CELF5: variants seen among roughly 807,000 people sequenced by gnomAD.
The protein encoded by CELF5 is CUGBP Elav-like family member 5, also known as CUG-BP and ETR-3 like factor 5.
Under a neutral mutation model 54.9 loss-of-function variants are expected in CELF5, and 6 were observed. The observed-to-expected ratio is 0.11, with a 90% confidence interval of 0.06 to 0.22. CELF5 has a LOEUF of 0.22. Ranked by LOEUF, CELF5 falls within the 10% of genes least tolerant of loss-of-function variation. The pLI is 1.00. For missense variants in CELF5, 401 were observed against 678.6 expected (o/e 0.59, Z 4.54); for synonymous variants, 271 against 290.9 (o/e 0.93, Z 0.70).
chr19:3,284,643 G>A lies in CELF5; in HGVS notation c.1040-259G>A. ...GCAACCGGGTCGGGATAGGGAGAGGGAGATGGGGACGATGGTGATCTCTCT... is the reference window on the plus strand; with the variant it reads ...GCAACCGGGTCGGGATAGGGAGAGGAAGATGGGGACGATGGTGATCTCTCT... On this transcript the variant is annotated intron_variant, in intron 8 of 12. Coordinates refer to ENST00000292672, the MANE Select transcript of CELF5 (RefSeq NM_021938.4). 7 of 533,108 alleles carry A rather than the reference G, an allele frequency of 1.3e-5. No individual in the cohort carries two copies. The East Asian group carries it at 1.8e-4, about 14-fold the overall frequency. The allele number at this position is 533,108 out of a possible 1,614,324, so 33.0% of individuals were successfully genotyped here. A position where few individuals can be genotyped will look rare whatever the true frequency, so the allele number is the denominator to read the frequency against.
intron 1 of CELF5, among the ~76,000 whole-genome samples, chr19:3,231,968 A>G (rs2144981263): frequency 6.7e-6 from 1 of 150,010 alleles, no homozygotes; most frequent in South Asian, 2.1e-4. Context: ...GGAATACTAG[A>G]TAGATGGGTG....
At chr19:3,234,875 C>T (rs760740849) in intron 1 of CELF5, among the ~76,000 whole-genome samples, 9 of 152,054 alleles carry the variant, frequency 5.9e-5, no homozygotes, top group African/African-American at 2.2e-4. Context: ...TGCCCTTGTC[C>T]CTGGCTCCCA....
At chr19:3,280,557 A>G (rs1328185842) in intron 5 of CELF5, among the ~76,000 whole-genome samples, 4 of 152,080 alleles carry the variant, frequency 2.6e-5, no homozygotes, top group Admixed American at 2.0e-4. Flanking sequence ...CCTGGGCAAC[A>G]AGAGCGAAAC....
intron 11 of CELF5, among the ~76,000 whole-genome samples, chr19:3,292,063 C>T (rs2080359497): frequency 6.6e-6 from 1 of 152,190 alleles, no homozygotes; most frequent in Non-Finnish European, 1.5e-5. Context: ...TCTCCTGACT[C>T]AGCATCCCGA....
rs1229805218 is a variant in CELF5 at position 3,275,998 on chromosome 19, G to T, written c.523+14G>T. Reference sequence around the variant, plus strand: ...GCAGCAGCAAAGGTGACTGGCGGGGGCCGGGGCGGGACTGCGAGAGGGGCC... The same window carrying T: ...GCAGCAGCAAAGGTGACTGGCGGGGTCCGGGGCGGGACTGCGAGAGGGGCC... On this transcript the variant is annotated intron_variant, in intron 4 of 12. Coordinates refer to ENST00000292672, the MANE Select transcript of CELF5 (RefSeq NM_021938.4). The surrounding 1 kb of genome is among the most constrained non-coding windows in gnomAD (Gnocchi z 6.7). 2 of 1,594,582 alleles carry T rather than the reference G, an allele frequency of 1.3e-6. No individual in the cohort carries two copies. The highest frequency in any genetic ancestry group is 1.7e-5 in the Admixed American group (1 of 58,748).
At chr19:3,251,426 C>G (rs57797571) in intron 2 of CELF5, among the ~76,000 whole-genome samples, 3,126 of 151,912 alleles carry the variant, frequency 0.021, 100 homozygotes, top group African/African-American at 0.072. Context: ...CCATGCCTGA[C>G]GTGTTGGAGG....
intron 2 of CELF5, among the ~76,000 whole-genome samples, chr19:3,254,377 TC>T (rs1316753654): frequency 3.3e-5 from 5 of 151,838 alleles, no homozygotes; most frequent in Non-Finnish European, 7.4e-5. Flanking sequence ...CATCTACTCA[TC>T]CACCTACCCA....
chr19:3,280,242 G>C lies in CELF5; in HGVS notation c.604-957G>C, dbSNP rs542092308. On this transcript the variant is annotated intron_variant, in intron 5 of 12. Transcript: ENST00000292672. Reference sequence around the variant, plus strand: ...GTGGCTACTGTCCGCTGTCCACTGGGTGGATGGGCCACAGGTTCATCTGCC... The same window carrying C: ...GTGGCTACTGTCCGCTGTCCACTGGCTGGATGGGCCACAGGTTCATCTGCC... Among the ~76,000 whole-genome samples, 127 of 152,236 alleles carry C rather than the reference G, an allele frequency of 8.3e-4. 2 individuals are homozygous for C. The highest frequency in any genetic ancestry group is 3.0e-3 in the African/African-American group (124 of 41,538).
chr19:3,290,092 C>G lies in CELF5; in HGVS notation c.1187-139C>G, dbSNP rs1346000879. The G allele has an allele frequency of 4.2e-5, 27 of 636,340 alleles. No individual in the cohort carries two copies. In the South Asian group the frequency reaches 5.2e-4, roughly 12 times the overall value. The allele number at this position is 636,340 out of a possible 1,614,324, so 39.4% of individuals were successfully genotyped here. On this transcript the variant is annotated intron_variant, in intron 10 of 12. Coordinates refer to ENST00000292672, the MANE Select transcript of CELF5 (RefSeq NM_021938.4). Reference sequence around the variant, plus strand: ...TCCCTCCCCAGCCCGTGGCCAGGCCCCTTCTTTCTGGGTGTCTGAGGCACC... The same window carrying G: ...TCCCTCCCCAGCCCGTGGCCAGGCCGCTTCTTTCTGGGTGTCTGAGGCACC...
At position 3,278,668 on chromosome 19, in the gene CELF5, T is replaced by G. The variant is rs1420649262; in HGVS notation, c.603+558T>G. Reference sequence around the variant, plus strand: ...ATGTGTGTGCATCTGCAGGTGCATTTGTGGGCAGGTTTGTGTGTGTGTGTG... The same window carrying G: ...ATGTGTGTGCATCTGCAGGTGCATTGGTGGGCAGGTTTGTGTGTGTGTGTG... On this transcript the variant is annotated intron_variant, in intron 5 of 12. Transcript: ENST00000292672. The surrounding 1 kb of genome is among the most constrained non-coding windows in gnomAD (Gnocchi z 4.5). Among the ~76,000 whole-genome samples the G allele has an allele frequency of 7.0e-6, 1 of 143,420 alleles. No homozygotes were observed. Among genetic ancestry groups the G allele is most frequent in the East Asian group, 2.0e-4 (1 of 5,028 alleles). The allele number at this position is 143,420 out of a possible 152,430, so 94.1% of individuals were successfully genotyped here.
At chr19:3,289,681 C>CAAAAAAAAAAAAAAAAAAAAA (rs35144942) in intron 10 of CELF5, among the ~76,000 whole-genome samples, 2 of 47,136 alleles carry the variant, frequency 4.2e-5, no homozygotes, top group African/African-American at 2.0e-4. Flanking sequence ...GACTCCATCT[C>CAAAAAAAAAAAAAAAAAAAAA]AAAAAAAAAA....
chr19:3,235,091 G>T (rs1917469032), intron 1 of CELF5, among the ~76,000 whole-genome samples: 1 of 152,004 alleles, frequency 6.6e-6, no homozygotes, highest in South Asian at 2.1e-4. Context: ...CTCTGTTCCA[G>T]CCACACTGGC....
At chr19:3,262,789 A>G (rs1021625969) in intron 2 of CELF5, among the ~76,000 whole-genome samples, 20 of 151,854 alleles carry the variant, frequency 1.3e-4, no homozygotes, top group African/African-American at 4.8e-4. Flanking sequence ...AAATACAAAA[A>G]TTAGCCGGGC....
At position 3,228,743 on chromosome 19, in the gene CELF5, G is replaced by C. The variant is rs1027637433; in HGVS notation, c.259+3745G>C. ...GCTGAGCTCTGAGGCGTGAGATTCCGCGTGTGACGCACCAGCTCCAGGGAG... is the reference window on the plus strand; with the variant it reads ...GCTGAGCTCTGAGGCGTGAGATTCCCCGTGTGACGCACCAGCTCCAGGGAG... On this transcript the variant is annotated intron_variant, in intron 1 of 12. Transcript: ENST00000292672. The surrounding 1 kb of genome is among the most constrained non-coding windows in gnomAD (Gnocchi z 6.0). 6.6e-6 allele frequency among the ~76,000 whole-genome samples: 1 copy of C among 151,580 alleles called. No homozygotes were observed. The highest frequency in any genetic ancestry group is 2.1e-4 in the South Asian group (1 of 4,770).
At chr19:3,283,783 G>C (rs57102282) in intron 8 of CELF5, among the ~76,000 whole-genome samples, 3,351 of 151,744 alleles carry the variant, frequency 0.022, 42 homozygotes, top group Non-Finnish European at 0.034. Flanking sequence ...ACTAACACTG[G>C]CACCATACAA....
intron 1 of CELF5, among the ~76,000 whole-genome samples, chr19:3,225,247 A>C (rs1599371713): frequency 1.3e-5 from 1 of 75,544 alleles, no homozygotes; most frequent in Admixed American, 1.5e-4. Flanking sequence ...ACCTTCCGGC[A>C]TCTCCTCTCT....
At position 3,256,064 on chromosome 19, in the gene CELF5, C is replaced by CAGAAAAAAAAAAAAA. The variant is rs372488135; in HGVS notation, c.342+4998_342+4999insGAAAAAAAAAAAAAA. Among the ~76,000 whole-genome samples, 142 of 139,396 alleles carry CAGAAAAAAAAAAAAA rather than the reference C, an allele frequency of 1.0e-3. 2 individuals are homozygous for CAGAAAAAAAAAAAAA. Among genetic ancestry groups the CAGAAAAAAAAAAAAA allele is most frequent in the East Asian group, 4.4e-3 (18 of 4,072 alleles). The allele number at this position is 139,396 out of a possible 152,430, so 91.4% of individuals were successfully genotyped here. On this transcript the variant is annotated intron_variant, in intron 2 of 12. Transcript: ENST00000292672. ...TGGGTGACAGAACAAGACCCTGTCTCAAAAAAAAAGGAAAGGTGCGAAGTG... is the reference window on the plus strand; with the variant it reads ...TGGGTGACAGAACAAGACCCTGTCTCAGAAAAAAAAAAAAAAAAAAAAAAGGAAAGGTGCGAAGTG...
At chr19:3,250,202 G>A (rs1029152323) in intron 1 of CELF5, among the ~76,000 whole-genome samples, 11 of 152,140 alleles carry the variant, frequency 7.2e-5, no homozygotes, top group African/African-American at 2.7e-4. Flanking sequence ...TAAATGCATG[G>A]TTCAGGCCGG....
At chr19:3,259,724 A>C (rs2079781799) in intron 2 of CELF5, among the ~76,000 whole-genome samples, 1 of 151,836 alleles carries the variant, frequency 6.6e-6, no homozygotes, top group Non-Finnish European at 1.5e-5. Context: ...GGGGTGATCC[A>C]GCCCCCAGGA....
Sources: gnomAD v4.1 joint callset for allele counts (sites outside exome capture counted in the v4.1 genomes callset) on GRCh38, gnomAD v4.1.1 for gene constraint, Gnocchi (gnomAD v3.1) non-coding constraint, MANE v1.5 for transcripts, NCBI Gene and HGNC (gene_info 2026-07-23, HGNC 2026-07-21) for gene names.